Variants in DAB1 observed in about 807,000 individuals in gnomAD.
DAB1 encodes disabled homolog 1.
A neutral mutation model predicts 64.6 loss-of-function variants in DAB1; 15 were observed. The observed-to-expected ratio is 0.23, with a 90% CI of 0.16 to 0.36. DAB1 has a LOEUF of 0.36. DAB1 is among the 10% of genes least tolerant of loss of function. The probability of loss-of-function intolerance (pLI) is 1.00; values close to 1 mark genes in which losing one functional copy is unlikely to be tolerated. For synonymous variants in DAB1, 235 were observed against 251.9 expected, an observed-to-expected ratio of 0.93 and a Z score of 0.64; for missense variants, 596 against 706.7, an observed-to-expected ratio of 0.84 and a Z score of 1.78.
chr1:57,655,706 C>G (rs544284940), intron 6 of DAB1, among the ~76,000 whole-genome samples: 1 of 152,168 alleles, frequency 6.6e-6, no homozygotes, highest in East Asian at 1.9e-4. Context: ...ATCTGGCACA[C>G]GTTAGTGGCT....
At chr1:57,997,589 C>G (rs1646444802) in intron 5 of DAB1, among the ~76,000 whole-genome samples, 1 of 152,126 alleles carries the variant, frequency 6.6e-6, no homozygotes, top group Non-Finnish European at 1.5e-5. Context: ...CCACCACTAA[C>G]AGCATCCGAT....
intron 3 of DAB1, among the ~76,000 whole-genome samples, chr1:58,423,735 G>A (rs141416472): frequency 2.6e-5 from 4 of 152,172 alleles, no homozygotes; most frequent in African/African-American, 4.8e-5. Flanking sequence ...GACCTTCTTC[G>A]TGGGCTCCAG....
At chr1:58,416,068 C>T (rs952422667) in intron 3 of DAB1, among the ~76,000 whole-genome samples, 1 of 152,118 alleles carries the variant, frequency 6.6e-6, no homozygotes, top group Non-Finnish European at 1.5e-5. Context: ...AAAGGTAGAA[C>T]GCTAAAGTAA....
In DAB1 at chr1:57,028,915, C is replaced by T. The variant is rs146102969; in HGVS notation, c.724-2872G>A. Among the ~76,000 whole-genome samples the T allele has an allele frequency of 7.5e-3, 1,144 of 151,924 alleles. 10 individuals are homozygous for T. Among genetic ancestry groups the T allele is most frequent in the African/African-American group, 0.024 (992 of 41,434 alleles). ...GTTTGAAAAATTTGCAGCCTGACTA[C>T]GTGATAGAAAAAAAAAATTTCTGGG... On this transcript the variant is annotated intron_variant, in intron 9 of 14. Transcript: ENST00000371236.
chr1:57,590,054 G>A (rs61769599), intron 7 of DAB1, among the ~76,000 whole-genome samples: 31,658 of 151,926 alleles, frequency 0.21, 3,931 homozygotes, highest in East Asian at 0.33. Context: ...CCCAGACTAA[G>A]TGGGTTAAAC....
intron 6 of DAB1, among the ~76,000 whole-genome samples, chr1:57,700,208 T>A (rs914638122): frequency 3.3e-5 from 5 of 152,190 alleles, no homozygotes; most frequent in African/African-American, 9.7e-5. Flanking sequence ...TCTCTCTTGG[T>A]TTCCCTGACT....
Position 57,673,896 on chromosome 1 carries a change from C to T in DAB1, n.552-24231G>A, listed in dbSNP as rs142718580. 5.2e-3 allele frequency among the ~76,000 whole-genome samples: 792 copies of T among 152,168 alleles called. 12 individuals carry two copies. The highest frequency in any genetic ancestry group is 0.018 in the African/African-American group (751 of 41,526). The stretch of plus-strand genomic sequence containing the variant: ...GATTTGGGTATTTTCTATTCTTGAG[C>T]GCCAGTCACATCCACATGGAAACAG... On this transcript the variant is annotated intron_variant and non_coding_transcript_variant, in intron 6 of 20. Coordinates refer to the DAB1 transcript ENST00000485760.
chr1:57,831,155 C>T (rs866629265), intron 1 of DAB1, among the ~76,000 whole-genome samples: 8 of 152,106 alleles, frequency 5.3e-5, no homozygotes, highest in East Asian at 1.9e-4. Flanking sequence ...CCCCGTGGTC[C>T]GCCCACCTCG....
chr1:57,531,777 T>C (rs1644666246), intron 7 of DAB1, among the ~76,000 whole-genome samples: 2 of 152,202 alleles, frequency 1.3e-5, no homozygotes, highest in Non-Finnish European at 2.9e-5. Flanking sequence ...AGTCCTTATT[T>C]GTAGCATTTG....
intron 2 of DAB1, among the ~76,000 whole-genome samples, chr1:58,520,514 C>A (rs1159262506): frequency 6.6e-6 from 1 of 152,058 alleles, no homozygotes; most frequent in African/African-American, 2.4e-5. Context: ...GCAAATTAAA[C>A]AAATAGACTA....
At chr1:57,018,575 G>A (rs536943972) in intron 11 of DAB1, among the ~76,000 whole-genome samples, 4 of 152,120 alleles carry the variant, frequency 2.6e-5, no homozygotes, top group African/African-American at 9.7e-5. Context: ...TAATAAGAAG[G>A]GGGTGCTGGG....
chr1:57,432,491 T>G (rs1248103787), intron 7 of DAB1, among the ~76,000 whole-genome samples: 1 of 152,210 alleles, frequency 6.6e-6, no homozygotes, highest in Non-Finnish European at 1.5e-5. Flanking sequence ...GCTTTCCCTT[T>G]GTTACTAGAC....
chr1:58,456,149 C>T (rs1360061011), intron 3 of DAB1, among the ~76,000 whole-genome samples: 2 of 152,358 alleles, frequency 1.3e-5, no homozygotes, highest in East Asian at 1.9e-4. Context: ...CTTTTCTTCC[C>T]TAAATTCAGG....
At chr1:57,249,771 C>T (rs942748133) in intron 2 of DAB1, among the ~76,000 whole-genome samples, 5 of 152,232 alleles carry the variant, frequency 3.3e-5, no homozygotes, top group African/African-American at 9.6e-5. Context: ...TCTTTCCACT[C>T]ACTGCCTAAT....
At chr1:58,545,394 A>G (rs1646685170) in intron 1 of DAB1, among the ~76,000 whole-genome samples, 1 of 152,236 alleles carries the variant, frequency 6.6e-6, no homozygotes, top group Non-Finnish European at 1.5e-5. Context: ...TTGAATAGAA[A>G]CAGTGCCTGA....
chr1:57,734,570 T>C (rs1647594515), intron 6 of DAB1, among the ~76,000 whole-genome samples: 3 of 152,244 alleles, frequency 2.0e-5, no homozygotes, highest in African/African-American at 7.2e-5. Context: ...TCCACTTTTT[T>C]TTCATAATAC....
chr1:57,956,455 C>G (rs1001636761), intron 5 of DAB1, among the ~76,000 whole-genome samples: 1 of 152,184 alleles, frequency 6.6e-6, no homozygotes, highest in African/African-American at 2.4e-5. Flanking sequence ...AAAAAATAGC[C>G]TGATCTCACT....
chr1:57,842,570 G>A (rs1057228420), intron 1 of DAB1, among the ~76,000 whole-genome samples: 8 of 152,132 alleles, frequency 5.3e-5, no homozygotes, highest in African/African-American at 1.9e-4. Flanking sequence ...TGAATGGCTG[G>A]GGAGGCCTCA....
In DAB1 at chr1:57,379,241, AAAAAAC is replaced by A. The variant is rs549863854; in HGVS notation, c.-137+44683_-137+44688del. Among the ~76,000 whole-genome samples the A allele has an allele frequency of 5.4e-3, 815 of 152,268 alleles. 8 individuals carry two copies. Among genetic ancestry groups the A allele is most frequent in the African/African-American group, 0.018 (748 of 41,532 alleles). ...GAGATCACATAGGTCTCCACTGCTT[AAAAAAC>A]AAAAACAAACAAACAAATACATTCT... On this transcript the variant is annotated intron_variant, in intron 1 of 14. Coordinates refer to ENST00000371236, the MANE Select transcript of DAB1 (RefSeq NM_001365792.1).
Sources: gnomAD v4.1 joint callset for allele counts (sites outside exome capture counted in the v4.1 genomes callset) on GRCh38, gnomAD v4.1.1 for gene constraint, MANE v1.5 for transcripts, NCBI Gene and HGNC (gene_info 2026-07-23, HGNC 2026-07-21) for gene names.